The following MAN2C1 variants were observed in gnomAD, a reference collection of about 807,000 sequenced individuals.
MAN2C1 encodes alpha-mannosidase 2C1.
A neutral mutation model predicts 126.9 loss-of-function variants in MAN2C1; 111 were observed. The ratio of observed to expected loss-of-function variants is 0.87; its 90% confidence interval spans 0.75 to 1.02. The LOEUF (loss-of-function observed/expected upper bound fraction) is 1.02, where lower values mean the gene tolerates loss of function less well. Among genes scored for constraint, MAN2C1 ranks in the 50% least tolerant of loss-of-function variants. The pLI is 0.00. For missense variants in MAN2C1, 1,363 were observed against 1,364.4 expected (o/e 1.00, Z 0.02); for synonymous variants, 567 against 561.5 (o/e 1.01, Z -0.14).
At position 75,362,127 on chromosome 15, in the gene MAN2C1, C is replaced by G. The variant is rs2072482601; in HGVS notation, c.1009-180G>C. Reference sequence around the variant, plus strand: ...GACTGTCCATCTGCCTGAGGGGGTGCCCAGGACTAGGCCATGCAACTTGTC... The same window carrying G: ...GACTGTCCATCTGCCTGAGGGGGTGGCCAGGACTAGGCCATGCAACTTGTC... On this transcript the variant is annotated intron_variant, in intron 8 of 25. Coordinates refer to ENST00000267978, the MANE Select transcript of MAN2C1 (RefSeq NM_006715.4). This position sits in a 1 kb window ranked among gnomAD's most constrained non-coding sequence, Gnocchi z 4.5. The G allele has an allele frequency of 1.5e-6, 1 of 662,376 alleles. No individual in the cohort carries two copies. The highest frequency in any genetic ancestry group is 2.6e-6 in the Non-Finnish European group (1 of 380,604). 41.0% of individuals were successfully genotyped at this position (662,376 alleles called of 1,614,324 possible).
At chr15:75,360,269 C>A (rs999926559) in intron 13 of MAN2C1, 58 bp from the exon 14 acceptor site, 6 of 1,588,842 alleles carry the variant, frequency 3.8e-6, no homozygotes, top group Non-Finnish European at 4.3e-6. Flanking sequence ...AGGACACCTT[C>A]CAAAGCCCTC....
Position 75,356,217 on chromosome 15 carries a change from C to T in MAN2C1, c.2889G>A (p.Ala963=), listed in dbSNP as rs766652820. The T allele has an allele frequency of 3.7e-6, 6 of 1,612,922 alleles. No homozygotes were observed. The highest frequency in any genetic ancestry group is 1.7e-5 in the Admixed American group (1 of 59,942). The change falls in exon 25 of 26, where the codon GCG becomes GCA. Residue 963 remains alanine, a splice_region_variant and synonymous_variant. Transcript: ENST00000267978. This position sits in a 1 kb window ranked among gnomAD's most constrained non-coding sequence, Gnocchi z 5.8. ...GCGAGCGGCGCTGGGGGCTGCTCTC[C>T]GCCTGCAGAGGAACACGTCTGGTGG... ...PAVVLETVKQ[A]ESSPQRRSLV...
At chr15:75,366,227 C>T (rs1157249511) in intron 4 of MAN2C1, among the ~76,000 whole-genome samples, 1 of 152,198 alleles carries the variant, frequency 6.6e-6, no homozygotes, top group Non-Finnish European at 1.5e-5. Flanking sequence ...GACAAGGTCT[C>T]ACTCTGTTGC....
intron 4 of MAN2C1, 98 bp downstream of exon 4, chr15:75,366,424 A>G: frequency 1.1e-6 from 1 of 924,284 alleles, no homozygotes; most frequent in East Asian, 2.6e-5. Context: ...GTGCTAGAGC[A>G]GAGGCGGGCT....
chr15:75,359,921 C>G lies in MAN2C1; in HGVS notation c.1774G>C (p.Ala592Pro). 6.2e-7 allele frequency: 1 copy of G among 1,612,916 alleles called. No homozygotes were observed. Among genetic ancestry groups the G allele is most frequent in the South Asian group, 1.1e-5 (1 of 90,902 alleles). Reference sequence around the variant, plus strand: ...GCCTAACCTTCATAATGGCACATGGCTTCCTCTGCCACCATCTGGATGCAG... The same window carrying G: ...GCCTAACCTTCATAATGGCACATGGGTTCCTCTGCCACCATCTGGATGCAG... ...GSCIQMVAEE[A>P]MCHYEDIRSH... The change falls in exon 15 of 26, where the codon GCC (alanine) becomes CCC (proline). Residue 592 changes from alanine (A) to proline (P), a missense_variant. Transcript: ENST00000267978.
Position 75,359,993 on chromosome 15 carries a change from A to AG in MAN2C1, c.1707-6dup. The AG allele has an allele frequency of 8.7e-6, 14 of 1,614,106 alleles. No homozygotes were observed. The highest frequency in any genetic ancestry group is 1.2e-5 in the Non-Finnish European group (14 of 1,179,982). On this transcript the variant is annotated splice_polypyrimidine_tract_variant and splice_region_variant and intron_variant, in intron 14 of 25. Transcript: ENST00000267978. Reference sequence around the variant, plus strand: ...AACTGGTTCAGAAGAAGGAGCCTGCAGGGGCCAAGGGCAGGGATGGGAAGG... The same window carrying AG: ...AACTGGTTCAGAAGAAGGAGCCTGCAGGGGGCCAAGGGCAGGGATGGGAAGG...
chr15:75,360,302 C>T, intron 13 of MAN2C1, 91 bp from the exon 14 acceptor site: 1 of 1,545,084 alleles, frequency 6.5e-7, no homozygotes, highest in Non-Finnish European at 8.8e-7. Flanking sequence ...TCCCTGAGGA[C>T]TCACCAAGGG....
Position 75,360,107 on chromosome 15 carries a change from C to T in MAN2C1, c.1689G>A (p.Gln563=), listed in dbSNP as rs767223786. 5 of 1,614,000 alleles carry T rather than the reference C, an allele frequency of 3.1e-6. No homozygotes were observed. The highest frequency in any genetic ancestry group is 4.2e-6 in the Non-Finnish European group (5 of 1,180,010). Residue 563 remains glutamine (Q), a synonymous_variant, in exon 14 of 26, where the codon CAG becomes CAA. Transcript: ENST00000267978. ...GGGCTGACCTCCAGAGGTGCTGCAGCTGGGCTGCTGGGTATAGGAACTGGG... is the reference window on the plus strand; with the variant it reads ...GGGCTGACCTCCAGAGGTGCTGCAGTTGGGCTGCTGGGTATAGGAACTGGG... ...RSAQFLYPAA[Q]LQHLWRLLLL...
At position 75,358,300 on chromosome 15, in the gene MAN2C1, AG is replaced by A. The variant is rs2072381152; in HGVS notation, c.2447del (p.Pro816LeufsTer93). 1.9e-6 allele frequency: 3 copies of A among 1,614,162 alleles called. No homozygotes were observed. In the South Asian group the frequency reaches 3.3e-5, roughly 18 times the overall value. On this transcript the variant is annotated frameshift_variant, in exon 21 of 26. Transcript: ENST00000267978. LOFTEE classifies it high-confidence loss of function. ...TGGCCTGGGAACTCCGCACGCGAGC[AG>A]GGAACTCCACCTTCAGGAACTTGTG... The part of the protein sequence containing the change: ...EAHKFLKVEF[P>X]ARVRSSQATY...
intron 6 of MAN2C1, 148 bp downstream of exon 6, chr15:75,363,851 A>T (rs2072524052): frequency 1.2e-6 from 1 of 820,306 alleles, no homozygotes; most frequent in Admixed American, 2.9e-5. Flanking sequence ...CCCACAGTCC[A>T]GCCCCCCGGC....
At chr15:75,359,209 C>T (rs758230935) in intron 17 of MAN2C1, 56 bp from the exon 18 acceptor site, 1 of 1,604,866 alleles carries the variant, frequency 6.2e-7, no homozygotes. Context: ...CACCAAAAGT[C>T]TTCCCACCCC....
Position 75,367,982 on chromosome 15 carries a change from G to T in MAN2C1, c.227+91C>A. 3.5e-6 allele frequency: 5 copies of T among 1,446,538 alleles called. No individual in the cohort carries two copies. The South Asian group carries it at 6.5e-5, about 19-fold the overall frequency. The allele number at this position is 1,446,538 out of a possible 1,614,324, so 89.6% of individuals were successfully genotyped here. A position where few individuals can be genotyped will look rare whatever the true frequency, so the allele number is the denominator to read the frequency against. On this transcript the variant is annotated intron_variant, in intron 2 of 25. Transcript: ENST00000267978. ...TGCTCGATCCCACGTAGTTGTCTAC[G>T]GCAGAGGGCAGACAACGAAGGTGTG... is the stretch of plus-strand genomic sequence containing the variant.
chr15:75,368,099 C>T lies in MAN2C1; in HGVS notation c.201G>A (p.Ala67=). 1 of 1,607,570 alleles carries T rather than the reference C, an allele frequency of 6.2e-7. No homozygotes were observed. The highest frequency in any genetic ancestry group is 8.5e-7 in the Non-Finnish European group (1 of 1,177,914). The change falls in exon 2 of 26, where the codon GCG becomes GCA. Residue 67 remains alanine (A), a synonymous_variant. Coordinates refer to ENST00000267978, the MANE Select transcript of MAN2C1 (RefSeq NM_006715.4). ...QEAVQRDFRP[A]QVGDSFGPTW... is the part of the protein sequence containing the mutation. ...TGGGTCCGAAGCTGTCGCCGACCTG[C>T]GCGGGGCGGAAGTCCCGCTGGACTG...
rs760280748 is a variant in MAN2C1 at position 75,358,542 on chromosome 15, G to A, written c.2323C>T (p.Leu775=). ...AGCCGACTGTTGGGGCTGATCTGTA[G>A]CAAGAACCAGGCGCTGCCCCGCAGG... ...GGLRGSAWFL[L]QISPNSRLSQ... The change falls in exon 20 of 26, where the codon CTA becomes TTA. Residue 775 remains leucine (L), a synonymous_variant. Coordinates refer to ENST00000267978, the MANE Select transcript of MAN2C1 (RefSeq NM_006715.4). 3.7e-6 allele frequency: 6 copies of A among 1,613,466 alleles called. No homozygotes were observed. Among genetic ancestry groups the A allele is most frequent in the South Asian group, 3.3e-5 (3 of 91,086 alleles).
In MAN2C1 at chr15:75,356,941, C is replaced by A. The variant is rs763158437; in HGVS notation, c.2548-39G>T. 3 of 1,554,608 alleles carry A rather than the reference C, an allele frequency of 1.9e-6. No homozygotes were observed. The African/African-American group carries it at 4.1e-5, about 21-fold the overall frequency. On this transcript the variant is annotated intron_variant, in intron 21 of 25. Transcript: ENST00000267978. The surrounding 1 kb of genome is among the most constrained non-coding windows in gnomAD (Gnocchi z 5.8). ...CCAAGACCCACTTGGTGGCCCTGTG[C>A]CCCTCTTTGTGCTCCCAGACTCCAG...
chr15:75,367,941 T>C, intron 2 of MAN2C1, 132 bp downstream of exon 2: 1 of 1,225,504 alleles, frequency 8.2e-7, no homozygotes, highest in Non-Finnish European at 1.1e-6. Flanking sequence ...AGGGTGCTGC[T>C]CCCAGCAGAG....
chr15:75,362,235 G>T lies in MAN2C1; in HGVS notation c.1008+108C>A. On this transcript the variant is annotated intron_variant, in intron 8 of 25. Coordinates refer to ENST00000267978, the MANE Select transcript of MAN2C1 (RefSeq NM_006715.4). This position sits in a 1 kb window ranked among gnomAD's most constrained non-coding sequence, Gnocchi z 4.5. ...AATGAGCCAGCCCTGCCACACAGCG[G>T]GGATGAGTGGCCCGTGGAAACTCAC... 1.1e-6 allele frequency: 1 copy of T among 946,038 alleles called. No individual in the cohort carries two copies. Among genetic ancestry groups the T allele is most frequent in the Non-Finnish European group, 1.6e-6 (1 of 606,174 alleles). 58.6% of individuals were successfully genotyped at this position (946,038 alleles called of 1,614,324 possible).
rs759443168 is a variant in MAN2C1, at chr15:75,361,916, A to G, written c.1040T>C (p.Val347Ala). The G allele has an allele frequency of 1.9e-6, 3 of 1,613,988 alleles. No homozygotes were observed. The African/African-American group carries it at 4.0e-5, about 22-fold the overall frequency. ...GTTCTGGCCCTGCAAAAACTGCCTCACCATGGCCTCTCCACTGGGCAGGTT... is the reference window on the plus strand; with the variant it reads ...GTTCTGGCCCTGCAAAAACTGCCTCGCCATGGCCTCTCCACTGGGCAGGTT... ...DGNLPSGEAMVRQFLQGQNFF... is the reference protein window; with the variant it reads ...DGNLPSGEAMARQFLQGQNFF... The change falls in exon 9 of 26, where the codon GTG (valine) becomes GCG (alanine). Residue 347 changes from valine to alanine, a missense_variant. Physicochemically the swap from Val to Ala is moderately conservative, Grantham distance 64. Around this residue, in one of 3 missense-constraint regions of MAN2C1, gnomAD observed 628 missense variants for 609.8 expected, o/e 1.03. Coordinates refer to ENST00000267978, the MANE Select transcript of MAN2C1 (RefSeq NM_006715.4). This position sits in a 1 kb window ranked among gnomAD's most constrained non-coding sequence, Gnocchi z 5.0.
rs147103481 is a variant in MAN2C1, at chr15:75,364,572, C to G, written c.516G>C (p.Gln172His). The G allele has an allele frequency of 1.4e-4, 225 of 1,612,920 alleles. No individual in the cohort carries two copies. The African/African-American group carries it at 2.7e-3, about 19-fold the overall frequency. ...ACACAGCTAGCTCAGCCCGGCTCAG[C>G]TGGAACATCTTCTCAGGGTCAGGGG... is the stretch of plus-strand genomic sequence containing the variant. ...IAAPDPEKMFQLSRAELAVFH... is the reference protein window; with the variant it reads ...IAAPDPEKMFHLSRAELAVFH... The change falls in exon 5 of 26, where the codon CAG becomes CAC. Residue 172 changes from glutamine (Q) to histidine (H), a missense_variant. Gln to His is a conservative substitution (Grantham distance 24). Coordinates refer to ENST00000267978, the MANE Select transcript of MAN2C1 (RefSeq NM_006715.4).
Sources: gnomAD v4.1 joint callset for allele counts (sites outside exome capture counted in the v4.1 genomes callset) on GRCh38, gnomAD v4.1.1 for gene constraint, gnomAD v4.1.1 regional missense constraint, Gnocchi (gnomAD v3.1) non-coding constraint, MANE v1.5 for transcripts, NCBI Gene and HGNC (gene_info 2026-07-23, HGNC 2026-07-21) for gene names.